Variants in SIM1 observed in about 807,000 individuals in gnomAD.
The protein encoded by SIM1 is single-minded homolog 1.
Under a neutral mutation model 78.2 loss-of-function variants are expected in SIM1, and 18 were observed. That is an observed-to-expected ratio of 0.23 (90% CI 0.16 to 0.34). The LOEUF (loss-of-function observed/expected upper bound fraction) is 0.34. Among genes scored for constraint, SIM1 ranks in the 10% least tolerant of loss-of-function variants. The pLI is 1.00. For synonymous variants in SIM1, 417 were observed against 385.2 expected (o/e 1.08, Z -0.97); for missense variants, 939 against 975.1 (o/e 0.96, Z 0.49).
chr6:100,456,501 G>C (rs910980266), intron 2 of SIM1, among the ~76,000 whole-genome samples: 1 of 152,238 alleles, frequency 6.6e-6, no homozygotes, highest in African/African-American at 2.4e-5. Flanking sequence ...CCGAGGGAAC[G>C]GGGTTTTGCA....
At chr6:100,431,155 C>T (rs1771890294) in intron 9 of SIM1, among the ~76,000 whole-genome samples, 1 of 152,180 alleles carries the variant, frequency 6.6e-6, no homozygotes, top group South Asian at 2.1e-4. Context: ...AAAATGATGG[C>T]ATGATGCAAT....
intron 10 of SIM1, among the ~76,000 whole-genome samples, chr6:100,411,223 G>A (rs369359514): frequency 3.9e-5 from 6 of 152,216 alleles, no homozygotes; most frequent in Admixed American, 1.3e-4. Context: ...CTCAACTGCC[G>A]ATGCAATTAT....
Position 100,389,611 on chromosome 6 carries a change from T to C in SIM1, c.*750A>G. The C allele has an allele frequency of 2.5e-6, 1 of 398,968 alleles. No individual in the cohort carries two copies. Among genetic ancestry groups the C allele is most frequent in the Non-Finnish European group, 4.4e-6 (1 of 225,988 alleles). The allele number at this position is 398,968 out of a possible 1,614,324, so 24.7% of individuals were successfully genotyped here. On this transcript the variant is annotated 3_prime_UTR_variant, in exon 12 of 12. Coordinates refer to ENST00000369208, the MANE Select transcript of SIM1 (RefSeq NM_005068.3). ...CTTCCAATTGAGCACTCCAGGTTTT[T>C]GATGTGTGTCCCAATATCTCAGTGT...
intron 11 of SIM1, among the ~76,000 whole-genome samples, chr6:100,392,314 T>C (rs1562230514): frequency 6.6e-6 from 1 of 152,202 alleles, no homozygotes; most frequent in Non-Finnish European, 1.5e-5. Flanking sequence ...CTGAAGTCAA[T>C]ATAAAAAGAG....
Position 100,412,609 on chromosome 6 carries a change from AAGGAAAGAAAGAAGG to A in SIM1, c.1167+8166_1167+8180del, listed in dbSNP as rs1562239633. Reference sequence around the variant, plus strand: ...AAAGAAAGAAAGAAAGAAAGAAAGAAAGGAAAGAAAGAAGGAAAGAAAGAAAGAAAAGAAAGAAAG... The same window carrying A: ...AAAGAAAGAAAGAAAGAAAGAAAGAAAAAGAAAGAAAGAAAAGAAAGAAAG... On this transcript the variant is annotated intron_variant, in intron 10 of 11. Transcript: ENST00000369208. Among the ~76,000 whole-genome samples, 89 of 101,468 alleles carry A rather than the reference AAGGAAAGAAAGAAGG, an allele frequency of 8.8e-4. 3 individuals carry two copies. Among genetic ancestry groups the A allele is most frequent in the African/African-American group, 2.9e-3 (85 of 29,694 alleles). The allele number at this position is 101,468 out of a possible 152,430, so 66.6% of individuals were successfully genotyped here. A position where few individuals can be genotyped will look rare whatever the true frequency, so the allele number is the denominator to read the frequency against.
intron 10 of SIM1, among the ~76,000 whole-genome samples, chr6:100,419,028 G>A (rs989611285): frequency 3.3e-5 from 5 of 152,000 alleles, no homozygotes; most frequent in East Asian, 1.9e-4. Context: ...TTAGACGGGC[G>A]TGGTGGCAGT....
In SIM1 at chr6:100,386,568, A is replaced by G. The variant is rs1770518768; in HGVS notation, c.*3793T>C. ...TGGTCTTGTACTATAATTGATCCTC[A>G]TCCCCCATAAGAAGGAGAAATAAAA... is the stretch of plus-strand genomic sequence containing the variant. On this transcript the variant is annotated 3_prime_UTR_variant, in exon 12 of 12. Coordinates refer to ENST00000369208, the MANE Select transcript of SIM1 (RefSeq NM_005068.3). 1 of 152,032 alleles carries G rather than the reference A, an allele frequency of 6.6e-6. No homozygotes were observed. The highest frequency in any genetic ancestry group is 2.4e-5 in the African/African-American group (1 of 41,422). The allele number at this position is 152,032 out of a possible 1,614,324, so 9.4% of individuals were successfully genotyped here.
At chr6:100,428,330 C>T (rs1276949707) in intron 9 of SIM1, among the ~76,000 whole-genome samples, 1 of 151,672 alleles carries the variant, frequency 6.6e-6, no homozygotes, top group African/African-American at 2.4e-5. Flanking sequence ...TTTTAGATGC[C>T]CAGAGAAATA....
At chr6:100,436,040 A>AC (rs1772040436) in intron 9 of SIM1, among the ~76,000 whole-genome samples, 2 of 151,830 alleles carry the variant, frequency 1.3e-5, no homozygotes, top group Non-Finnish European at 2.9e-5. Flanking sequence ...CAAGGTGCCC[A>AC]ACTCCTCCCA....
chr6:100,449,387 G>C lies in SIM1; in HGVS notation c.519C>G (p.Ala173=). Residue 173 remains alanine (A), a synonymous_variant, in exon 6 of 12, where the codon GCC becomes GCG. Transcript: ENST00000369208. ...RMKCVLAKRN[A]GLTCGGYKVI... ...CCTTGTAGCCGCCACAGGTGAGGCCGGCGTTACGCTTGGCCAAGACGCACT... is the reference window on the plus strand; with the variant it reads ...CCTTGTAGCCGCCACAGGTGAGGCCCGCGTTACGCTTGGCCAAGACGCACT... The C allele has an allele frequency of 1.2e-6, 2 of 1,613,942 alleles. No individual in the cohort carries two copies. The highest frequency in any genetic ancestry group is 2.2e-5 in the South Asian group (2 of 91,078).
chr6:100,408,929 G>T (rs552070672), intron 10 of SIM1, among the ~76,000 whole-genome samples: 11 of 152,190 alleles, frequency 7.2e-5, no homozygotes, highest in Admixed American at 2.6e-4. Context: ...CTTGTAAAAT[G>T]AGTTTGGAAA....
chr6:100,432,103 G>T (rs1771917404), intron 9 of SIM1, among the ~76,000 whole-genome samples: 1 of 152,190 alleles, frequency 6.6e-6, no homozygotes, highest in African/African-American at 2.4e-5. Context: ...CTATGATCAT[G>T]CCATTGCACT....
chr6:100,446,282 G>A (rs573945285), intron 9 of SIM1, among the ~76,000 whole-genome samples: 1 of 152,204 alleles, frequency 6.6e-6, no homozygotes, highest in South Asian at 2.1e-4. Flanking sequence ...ATTCCAAATA[G>A]CACCCCTTCA....
At chr6:100,451,469 T>C (rs983511025) in intron 3 of SIM1, among the ~76,000 whole-genome samples, 1 of 152,198 alleles carries the variant, frequency 6.6e-6, no homozygotes, top group Non-Finnish European at 1.5e-5. Context: ...AGTTGCTCTG[T>C]AAGCACTAGA....
Position 100,390,318 on chromosome 6 carries a change from A to C in SIM1, c.*43T>G, listed in dbSNP as rs1326761439. ...GGTAATGGGGTATTAAACTATAAAT[A>C]TGTTTCAGAGATCCTTAAAGAACAA... On this transcript the variant is annotated 3_prime_UTR_variant, in exon 12 of 12. Coordinates refer to ENST00000369208, the MANE Select transcript of SIM1 (RefSeq NM_005068.3). 6.4e-7 allele frequency: 1 copy of C among 1,573,944 alleles called. No homozygotes were observed. Among genetic ancestry groups the C allele is most frequent in the African/African-American group, 1.4e-5 (1 of 73,848 alleles).
intron 9 of SIM1, among the ~76,000 whole-genome samples, chr6:100,423,939 G>T (rs1373905284): frequency 2.0e-5 from 3 of 152,186 alleles, no homozygotes; most frequent in Admixed American, 2.0e-4. Flanking sequence ...GTGCACCCAT[G>T]AAAGTTTGGC....
In SIM1 at chr6:100,389,480, A is replaced by G. The variant is rs1770581771; in HGVS notation, c.*881T>C. On this transcript the variant is annotated 3_prime_UTR_variant, in exon 12 of 12. Coordinates refer to ENST00000369208, the MANE Select transcript of SIM1 (RefSeq NM_005068.3). Reference sequence around the variant, plus strand: ...TTTTATTTAGTTGGTTTTACAAGCAAACCCCAAATATGTTGTTTACTTATG... The same window carrying G: ...TTTTATTTAGTTGGTTTTACAAGCAGACCCCAAATATGTTGTTTACTTATG... 4 of 396,944 alleles carry G rather than the reference A, an allele frequency of 1.0e-5. No homozygotes were observed. The highest frequency in any genetic ancestry group is 8.9e-6 in the Non-Finnish European group (2 of 225,440). 24.6% of individuals were successfully genotyped at this position (396,944 alleles called of 1,614,324 possible). A position where few individuals can be genotyped will look rare whatever the true frequency, so the allele number is the denominator to read the frequency against.
rs998154934 is a variant in SIM1, at chr6:100,388,936, C to G, written c.*1425G>C. 6.6e-6 allele frequency: 1 copy of G among 152,190 alleles called. No individual in the cohort carries two copies. The highest frequency in any genetic ancestry group is 2.4e-5 in the African/African-American group (1 of 41,452). 9.4% of individuals were successfully genotyped at this position (152,190 alleles called of 1,614,324 possible). ...CACACCTGCTTAAGTCACAAAGCAT[C>G]TAAACTTCTGTGTACAGAAAAAACA... On this transcript the variant is annotated 3_prime_UTR_variant, in exon 12 of 12. Transcript: ENST00000369208.
chr6:100,444,675 C>T (rs1482606974), intron 9 of SIM1, among the ~76,000 whole-genome samples: 3 of 152,084 alleles, frequency 2.0e-5, no homozygotes, highest in Non-Finnish European at 4.4e-5. Context: ...TCCTATATGC[C>T]CTGTTGCAAC....
Sources: allele counts gnomAD v4.1 joint callset (sites outside exome capture counted in the v4.1 genomes callset), GRCh38; gene constraint gnomAD v4.1.1; transcripts MANE v1.5; gene names NCBI Gene and HGNC (gene_info 2026-07-23, HGNC 2026-07-21).